Variants in MEMO1 observed in about 807,000 individuals in gnomAD.
The protein encoded by MEMO1 is mediator of cell motility 1.
A neutral mutation model predicts 45.2 loss-of-function variants in MEMO1; 6 were observed. The ratio of observed to expected loss-of-function variants is 0.13; its 90% CI spans 0.07 to 0.26. The LOEUF is 0.26. Ranked by LOEUF, MEMO1 falls within the 10% of genes least tolerant of loss-of-function variation. The pLI is 1.00. For missense variants in MEMO1, 184 were observed against 370.5 expected (o/e 0.50, Z 4.13); for synonymous variants, 78 against 124.3 (o/e 0.63, Z 2.48).
chr2:31,933,733 A>C (rs946222551), intron 3 of MEMO1, among the ~76,000 whole-genome samples: 1 of 152,060 alleles, frequency 6.6e-6, no homozygotes, highest in South Asian at 2.1e-4. Context: ...AAATCAGTGA[A>C]GGCCTTAATT....
intron 4 of MEMO1, 117 bp from the exon 5 acceptor site, chr2:31,921,027 T>C: frequency 1.6e-6 from 1 of 644,146 alleles, no homozygotes; most frequent in South Asian, 1.9e-5. Flanking sequence ...AATTACCAAC[T>C]GTTAATGGCT....
chr2:31,890,048 A>G (rs1676735466), intron 7 of MEMO1, among the ~76,000 whole-genome samples: 1 of 152,162 alleles, frequency 6.6e-6, no homozygotes, highest in Non-Finnish European at 1.5e-5. Context: ...AGGTAAAACA[A>G]ATTTATGTTT....
chr2:31,907,765 C>T (rs555159950), intron 6 of MEMO1, among the ~76,000 whole-genome samples: 5 of 149,488 alleles, frequency 3.3e-5, no homozygotes, highest in African/African-American at 1.2e-4. Context: ...TGTACTCCAG[C>T]AGGAGCAAGA....
intron 6 of MEMO1, among the ~76,000 whole-genome samples, chr2:31,907,104 T>C (rs1190900755): frequency 6.6e-6 from 1 of 152,120 alleles, no homozygotes; most frequent in Non-Finnish European, 1.5e-5. Flanking sequence ...CCTTTCTCAT[T>C]AAAACCTTAT....
chr2:31,935,099 AATTATT>A (rs537160689), intron 3 of MEMO1, among the ~76,000 whole-genome samples: 1 of 152,180 alleles, frequency 6.6e-6, no homozygotes, highest in African/African-American at 2.4e-5. Context: ...ATGAGGTAGG[AATTATT>A]ATTATTGTCA....
intron 3 of MEMO1, among the ~76,000 whole-genome samples, chr2:31,940,091 C>G (rs1258228272): frequency 6.6e-6 from 1 of 152,148 alleles, no homozygotes; most frequent in Admixed American, 6.5e-5. Flanking sequence ...ATCACTCACT[C>G]TTGATTTTCC....
intron 6 of MEMO1, among the ~76,000 whole-genome samples, chr2:31,916,044 G>A (rs969933539): frequency 1.4e-4 from 22 of 152,210 alleles, no homozygotes; most frequent in African/African-American, 5.3e-4. Context: ...TGTGGCAGTA[G>A]TTTATTTGAT....
At chr2:32,006,380 A>C (rs531114046) in intron 2 of MEMO1, among the ~76,000 whole-genome samples, 1 of 152,312 alleles carries the variant, frequency 6.6e-6, no homozygotes, top group African/African-American at 2.4e-5. Context: ...AACAGACTAC[A>C]TTTAGATTAT....
At chr2:31,964,259 AAC>A (rs755143618) in intron 2 of MEMO1, among the ~76,000 whole-genome samples, 12 of 152,174 alleles carry the variant, frequency 7.9e-5, no homozygotes, top group East Asian at 1.9e-4. Context: ...CACACACACA[AAC>A]ACAGTTTTTT....
chr2:31,990,327 G>A (rs1029027718), intron 2 of MEMO1, among the ~76,000 whole-genome samples: 7 of 152,132 alleles, frequency 4.6e-5, no homozygotes, highest in Admixed American at 3.3e-4. Context: ...TGTTCCGAAA[G>A]ATAGTTATTT....
intron 3 of MEMO1, among the ~76,000 whole-genome samples, chr2:31,939,368 T>C (rs905509945): frequency 2.6e-5 from 4 of 152,178 alleles, no homozygotes; most frequent in African/African-American, 9.7e-5. Flanking sequence ...TTTTCAAATA[T>C]CCATTTTAAA....
chr2:31,917,967 A>G lies in MEMO1; in HGVS notation c.396T>C (p.Ser132=). 1 of 1,611,320 alleles carries G rather than the reference A, an allele frequency of 6.2e-7. No individual in the cohort carries two copies. The highest frequency in any genetic ancestry group is 8.5e-7 in the Non-Finnish European group (1 of 1,179,422). The change falls in exon 6 of 10, where the codon AGT becomes AGC. Residue 132 remains serine (S), a synonymous_variant. Transcript: ENST00000404530. ...MSLQTDEDEH[S]IEMHLPYTAK... is the part of the protein sequence containing the mutation. The stretch of plus-strand genomic sequence containing the variant: ...CTGTATAAGGCAAATGCATTTCAAT[A>G]CTGTGTTCATCTTCATCTGTCTGCA...
chr2:31,926,124 T>G (rs562261165), intron 4 of MEMO1, among the ~76,000 whole-genome samples: 27 of 152,204 alleles, frequency 1.8e-4, no homozygotes, highest in Admixed American at 1.2e-3. Context: ...CTCAGCACTT[T>G]GGGAGGCTGA....
At chr2:31,973,238 G>A (rs1669612544) in intron 2 of MEMO1, among the ~76,000 whole-genome samples, 1 of 152,170 alleles carries the variant, frequency 6.6e-6, no homozygotes, top group South Asian at 2.1e-4. Flanking sequence ...TGGATTACCT[G>A]AGGTCAGGAG....
intron 4 of MEMO1, among the ~76,000 whole-genome samples, chr2:31,930,498 A>C (rs1281335918): frequency 6.6e-6 from 1 of 152,222 alleles, no homozygotes. Context: ...AACCTAATTT[A>C]ACTCTGGGGT....
At chr2:31,876,892 C>A (rs1030894779) in intron 8 of MEMO1, among the ~76,000 whole-genome samples, 9 of 152,194 alleles carry the variant, frequency 5.9e-5, no homozygotes, top group African/African-American at 2.2e-4. Flanking sequence ...CACCATCACC[C>A]TACCCACTGT....
intron 2 of MEMO1, among the ~76,000 whole-genome samples, chr2:31,987,296 G>A (rs1451646683): frequency 1.3e-5 from 2 of 152,122 alleles, no homozygotes; most frequent in Non-Finnish European, 2.9e-5. Flanking sequence ...ACCTTGCCTG[G>A]ACCAACAAAT....
chr2:31,923,600 G>C lies in MEMO1; in HGVS notation c.213-2690C>G, dbSNP rs1209880237. The C allele has an allele frequency of 4.6e-6, 7 of 1,518,474 alleles. No homozygotes were observed. The Admixed American group carries it at 1.3e-4, about 29-fold the overall frequency. The allele number at this position is 1,518,474 out of a possible 1,614,324, so 94.1% of individuals were successfully genotyped here. A position where few individuals can be genotyped will look rare whatever the true frequency, so the allele number is the denominator to read the frequency against. On this transcript the variant is annotated intron_variant, in intron 4 of 9. Coordinates refer to ENST00000404530, the MANE Select transcript of MEMO1 (RefSeq NM_001301833.4). ...CTATAGAGAATGGTAACTCAGAAATGTTTAGGTAGCCTGACTAGGGCCAGG... is the reference window on the plus strand; with the variant it reads ...CTATAGAGAATGGTAACTCAGAAATCTTTAGGTAGCCTGACTAGGGCCAGG...
intron 8 of MEMO1, among the ~76,000 whole-genome samples, chr2:31,882,966 A>G (rs150467218): frequency 7.2e-5 from 11 of 152,258 alleles, no homozygotes; most frequent in Non-Finnish European, 1.6e-4. Context: ...AAAAACAACA[A>G]TGCTGTTCAG....
Sources: allele counts gnomAD v4.1 joint callset (sites outside exome capture counted in the v4.1 genomes callset), GRCh38; gene constraint gnomAD v4.1.1; transcripts MANE v1.5; gene names NCBI Gene and HGNC (gene_info 2026-07-23, HGNC 2026-07-21).